KCNU1: variants seen among roughly 807,000 people sequenced by gnomAD.
The protein encoded by KCNU1 is potassium channel subfamily U member 1.
Under a neutral mutation model 126.8 loss-of-function variants are expected in KCNU1, and 93 were observed. That is an observed-to-expected ratio of 0.73 (90% CI 0.62 to 0.87). The LOEUF (loss-of-function observed/expected upper bound fraction) is 0.87, where lower values mean the gene tolerates loss of function less well. KCNU1 is among the 40% of genes least tolerant of loss of function. KCNU1 has a pLI of 0.00. For missense variants in KCNU1, 1,330 were observed against 1,367.1 expected (o/e 0.97, Z 0.43); for synonymous variants, 523 against 494.2 (o/e 1.06, Z -0.77).
intron 19 of KCNU1, among the ~76,000 whole-genome samples, chr8:36,875,592 T>C (rs1359255705): frequency 6.6e-6 from 1 of 151,920 alleles, no homozygotes. Context: ...TTGAGAGCAA[T>C]GCAAATGACC....
At chr8:36,927,555 G>T (rs367849622) in intron 24 of KCNU1, among the ~76,000 whole-genome samples, 2 of 152,238 alleles carry the variant, frequency 1.3e-5, no homozygotes, top group African/African-American at 4.8e-5. Flanking sequence ...GGGTCACTTG[G>T]CTTGTTAGTT....
intron 19 of KCNU1, among the ~76,000 whole-genome samples, chr8:36,904,448 T>C (rs1397212480): frequency 6.6e-6 from 1 of 152,156 alleles, no homozygotes; most frequent in East Asian, 1.9e-4. Flanking sequence ...ATGGTGAGGT[T>C]GGTAACCTCA....
chr8:36,818,453 T>C (rs1563274591), intron 10 of KCNU1, among the ~76,000 whole-genome samples: 1 of 152,192 alleles, frequency 6.6e-6, no homozygotes, highest in Non-Finnish European at 1.5e-5. Context: ...TTTCCTGTTA[T>C]ATGTTATACA....
intron 23 of KCNU1, among the ~76,000 whole-genome samples, chr8:36,919,402 C>G (rs1249654244): frequency 7.0e-6 from 1 of 143,534 alleles, no homozygotes; most frequent in Non-Finnish European, 1.5e-5. Flanking sequence ...TAATCCAAGC[C>G]CTGAGTGATA....
Position 36,787,343 on chromosome 8 carries a change from T to C in KCNU1, c.233T>C (p.Val78Ala). The change falls in exon 2 of 27, where the codon GTA becomes GCA. Residue 78 changes from valine to alanine, a missense_variant. By Grantham distance (64) the Val-to-Ala change is moderately conservative (BLOSUM62 0). Around this residue, in one of 3 missense-constraint regions of KCNU1, gnomAD observed 247 missense variants for 255.4 expected, o/e 0.97. Coordinates refer to ENST00000399881, the MANE Select transcript of KCNU1 (RefSeq NM_001031836.3). ...FTSGTIARSH[V>A]RSLHFQGQFR... Reference sequence around the variant, plus strand: ...TCAGGTACCATCGCTAGGAGCCATGTAAGAAGCCTCCACTTCCAGGGACAA... The same window carrying C: ...TCAGGTACCATCGCTAGGAGCCATGCAAGAAGCCTCCACTTCCAGGGACAA... 1 of 1,612,342 alleles carries C rather than the reference T, an allele frequency of 6.2e-7. No homozygotes were observed. Among genetic ancestry groups the C allele is most frequent in the Non-Finnish European group, 8.5e-7 (1 of 1,178,876 alleles).
intron 26 of KCNU1, among the ~76,000 whole-genome samples, chr8:36,934,544 T>A (rs1808797975): frequency 1.3e-5 from 2 of 152,120 alleles, no homozygotes; most frequent in Admixed American, 1.3e-4. Flanking sequence ...ACAGCTTATA[T>A]TAATACTTGA....
chr8:36,807,085 ATGCTACAACTCTGTGAGGT>A (rs751574028), intron 5 of KCNU1, among the ~76,000 whole-genome samples: 7 of 152,166 alleles, frequency 4.6e-5, no homozygotes, highest in Non-Finnish European at 1.0e-4. Flanking sequence ...CTTGATATGG[ATGCTACAACTCTGTGAGGT>A]TGGTACTATT....
intron 2 of KCNU1, among the ~76,000 whole-genome samples, chr8:36,797,650 A>C (rs1193880708): frequency 2.7e-4 from 41 of 151,162 alleles, no homozygotes; most frequent in Non-Finnish European, 4.4e-5. Flanking sequence ...TTTTTTTTAA[A>C]GAAGTGCCCA....
At chr8:36,889,781 A>G (rs577045084) in intron 19 of KCNU1, among the ~76,000 whole-genome samples, 1 of 152,144 alleles carries the variant, frequency 6.6e-6, no homozygotes, top group Non-Finnish European at 1.5e-5. Flanking sequence ...CTCAGAAAAC[A>G]GGTAGGATAC....
At chr8:36,825,452 A>G (rs183638787) in intron 10 of KCNU1, among the ~76,000 whole-genome samples, 101 of 152,262 alleles carry the variant, frequency 6.6e-4, no homozygotes, top group Admixed American at 1.7e-3. Context: ...ATTTCATTAA[A>G]TTTACCCTAA....
intron 19 of KCNU1, among the ~76,000 whole-genome samples, chr8:36,870,878 A>G (rs1001997619): frequency 6.6e-5 from 10 of 152,080 alleles, no homozygotes; most frequent in African/African-American, 2.4e-4. Context: ...TATGGCCAGT[A>G]TTTCATCTTT....
Position 36,840,463 on chromosome 8 carries a change from G to A in KCNU1, c.1519G>A (p.Val507Ile), listed in dbSNP as rs755346387. ...TSLFVEQNKK[V>I]MPKQTWKKHF... Reference sequence around the variant, plus strand: ...CGTGTGGCATGATTATGTATTCCAGGTTATGCCTAAACAGACCTGGAAGAA... The same window carrying A: ...CGTGTGGCATGATTATGTATTCCAGATTATGCCTAAACAGACCTGGAAGAA... The change falls in exon 15 of 27, where the codon GTT becomes ATT. Residue 507 changes from valine to isoleucine, a missense_variant and splice_region_variant. Val to Ile is a conservative substitution (Grantham distance 29). Coordinates refer to ENST00000399881, the MANE Select transcript of KCNU1 (RefSeq NM_001031836.3). 2 of 1,520,576 alleles carry A rather than the reference G, an allele frequency of 1.3e-6. No homozygotes were observed. The highest frequency in any genetic ancestry group is 9.1e-7 in the Non-Finnish European group (1 of 1,097,152). 94.2% of individuals were successfully genotyped at this position (1,520,576 alleles called of 1,614,324 possible).
intron 24 of KCNU1, among the ~76,000 whole-genome samples, chr8:36,927,761 G>A (rs1233770415): frequency 6.6e-6 from 1 of 151,958 alleles, no homozygotes; most frequent in African/African-American, 2.4e-5. Flanking sequence ...AAACATTATG[G>A]GCAGCAACAT....
At chr8:36,851,373 T>TTCTCTCTCTCTCTCTC (rs767473600) in intron 18 of KCNU1, among the ~76,000 whole-genome samples, 60 of 140,372 alleles carry the variant, frequency 4.3e-4, no homozygotes, top group Admixed American at 2.0e-3. Context: ...GGCACTTCCC[T>TTCTCTCTCTCTCTCTC]TCTCTCTCTC....
intron 10 of KCNU1, among the ~76,000 whole-genome samples, chr8:36,830,335 T>C (rs1382103058): frequency 6.6e-6 from 1 of 151,956 alleles, no homozygotes; most frequent in African/African-American, 2.4e-5. Context: ...AAGATATCTT[T>C]TTTATTTTAA....
intron 24 of KCNU1, among the ~76,000 whole-genome samples, chr8:36,925,224 G>T (rs1448160685): frequency 6.6e-6 from 1 of 152,180 alleles, no homozygotes; most frequent in East Asian, 1.9e-4. Flanking sequence ...TGAGGTCATT[G>T]CATGAGATCA....
At chr8:36,915,489 T>C (rs1196149468) in intron 22 of KCNU1, among the ~76,000 whole-genome samples, 1 of 152,224 alleles carries the variant, frequency 6.6e-6, no homozygotes, top group Non-Finnish European at 1.5e-5. Flanking sequence ...CTTTACAGTG[T>C]CCATTGCTTA....
chr8:36,903,798 G>A (rs142252686), intron 19 of KCNU1, among the ~76,000 whole-genome samples: 19 of 152,256 alleles, frequency 1.2e-4, no homozygotes, highest in Non-Finnish European at 2.2e-4. Context: ...GCTTACCATC[G>A]TGGTGGAAGG....
chr8:36,931,099 A>G lies in KCNU1; in HGVS notation c.2885A>G (p.Lys962Arg), dbSNP rs766607704. 2 of 1,611,820 alleles carry G rather than the reference A, an allele frequency of 1.2e-6. No homozygotes were observed. The highest frequency in any genetic ancestry group is 1.7e-6 in the Non-Finnish European group (2 of 1,178,732). ...CTCTTGTCTGGAAGAAACCGGTGTA[A>G]GCTGGGGCTTCTGTCCTTACACGAA... The part of the protein sequence containing the change: ...TSLLSGRNRC[K>R]LGLLSLHETI... The change falls in exon 25 of 27, where the codon AAG becomes AGG. Residue 962 changes from lysine (K) to arginine (R), a missense_variant. Transcript: ENST00000399881.
Sources: gnomAD v4.1 joint callset for allele counts (sites outside exome capture counted in the v4.1 genomes callset) on GRCh38, gnomAD v4.1.1 for gene constraint, gnomAD v4.1.1 regional missense constraint, MANE v1.5 for transcripts, NCBI Gene and HGNC (gene_info 2026-07-23, HGNC 2026-07-21) for gene names.